The following PDE4D variants were observed in gnomAD, a reference collection of about 807,000 sequenced individuals.
PDE4D encodes the protein phosphodiesterase 4D.
In PDE4D, 24 loss-of-function variants were observed where a neutral mutation model predicts 87.4. The ratio of observed to expected loss-of-function variants is 0.27; its 90% CI spans 0.20 to 0.39. The LOEUF (loss-of-function observed/expected upper bound fraction) is 0.39, where lower values mean the gene tolerates loss of function less well. PDE4D is among the 10% of genes least tolerant of loss of function. The probability of loss-of-function intolerance (pLI) is 1.00; values close to 1 mark genes in which losing one functional copy is unlikely to be tolerated. For synonymous variants in PDE4D, 384 were observed against 383.2 expected (o/e 1.00, Z -0.02); for missense variants, 714 against 1,041.0 (o/e 0.69, Z 4.32).
chr5:59,258,921 A>T (rs1761476458), intron 1 of PDE4D, among the ~76,000 whole-genome samples: 1 of 151,582 alleles, frequency 6.6e-6, no homozygotes, highest in Admixed American at 6.6e-5. Context: ...TTTAGATTAA[A>T]TCTAATTCAT....
At chr5:59,390,939 C>T (rs2153607998) in intron 1 of PDE4D, among the ~76,000 whole-genome samples, 1 of 152,138 alleles carries the variant, frequency 6.6e-6, no homozygotes, top group Non-Finnish European at 1.5e-5. Flanking sequence ...TGATCTTTCC[C>T]CACCCTTGAA....
intron 5 of PDE4D, among the ~76,000 whole-genome samples, chr5:59,112,071 C>G (rs988971626): frequency 6.6e-6 from 1 of 152,100 alleles, no homozygotes; most frequent in East Asian, 1.9e-4. Context: ...TATTAATGTG[C>G]GATGCATTTA....
chr5:59,263,554 A>C (rs913400603), intron 1 of PDE4D, among the ~76,000 whole-genome samples: 1 of 152,020 alleles, frequency 6.6e-6, no homozygotes, highest in African/African-American at 2.4e-5. Flanking sequence ...CATATATACC[A>C]AATTATTATT....
chr5:59,694,678 T>C (rs1428075329), intron 1 of PDE4D, among the ~76,000 whole-genome samples: 1 of 152,134 alleles, frequency 6.6e-6, no homozygotes. Flanking sequence ...GAGTCCCGCA[T>C]AGAGATTTCT....
chr5:59,616,008 G>A (rs1829618809), intron 1 of PDE4D, among the ~76,000 whole-genome samples: 1 of 151,020 alleles, frequency 6.6e-6, no homozygotes, highest in Admixed American at 6.6e-5. Context: ...TAGGGTACAT[G>A]TGCACAATGT....
chr5:59,815,425 G>C (rs965720858), intron 1 of PDE4D, among the ~76,000 whole-genome samples: 16 of 152,306 alleles, frequency 1.1e-4, no homozygotes, highest in Admixed American at 7.8e-4. Context: ...TAGGTGGGTA[G>C]GCTCCAGAGC....
At chr5:59,129,886 G>A (rs1348632468) in intron 5 of PDE4D, among the ~76,000 whole-genome samples, 1 of 152,100 alleles carries the variant, frequency 6.6e-6, no homozygotes, top group African/African-American at 2.4e-5. Context: ...CTACCTTGCA[G>A]GGTTATTGAA....
chr5:59,782,662 T>C (rs964010425), intron 1 of PDE4D, among the ~76,000 whole-genome samples: 35 of 152,352 alleles, frequency 2.3e-4, no homozygotes, highest in African/African-American at 7.7e-4. Flanking sequence ...AAAGTCCTAA[T>C]GGTCCTGTCC....
chr5:59,396,968 G>C (rs1484674821), intron 1 of PDE4D, among the ~76,000 whole-genome samples: 1 of 118,640 alleles, frequency 8.4e-6, no homozygotes, highest in Non-Finnish European at 1.8e-5. Flanking sequence ...AACCAACAAA[G>C]ATCAAAAGAG....
intron 5 of PDE4D, among the ~76,000 whole-genome samples, chr5:59,079,670 T>TAATAATAATAATAAC (rs1766330525): frequency 2.0e-5 from 3 of 149,130 alleles, no homozygotes; most frequent in Non-Finnish European, 4.5e-5. Flanking sequence ...ACAAAATTAA[T>TAATAATAATAATAAC]AATAATAATA....
At chr5:59,821,094 G>A (rs567189421) in intron 1 of PDE4D, among the ~76,000 whole-genome samples, 98 of 152,194 alleles carry the variant, frequency 6.4e-4, no homozygotes, top group Admixed American at 1.6e-3. Context: ...CTAGCTGGGA[G>A]TGGTGGCGGG....
intron 1 of PDE4D, among the ~76,000 whole-genome samples, chr5:59,629,111 G>A (rs774032911): frequency 3.9e-5 from 6 of 152,216 alleles, no homozygotes; most frequent in East Asian, 1.9e-4. Context: ...CCCACTACAC[G>A]TGCGGATTAT....
At chr5:59,498,622 G>A (rs1031114770) in intron 1 of PDE4D, among the ~76,000 whole-genome samples, 2 of 151,644 alleles carry the variant, frequency 1.3e-5, no homozygotes, top group Middle Eastern at 6.8e-3. Context: ...AAAGAACAAG[G>A]ATCACTATTC....
chr5:59,641,854 C>T (rs1008458085), intron 1 of PDE4D, among the ~76,000 whole-genome samples: 2 of 152,068 alleles, frequency 1.3e-5, no homozygotes, highest in Non-Finnish European at 2.9e-5. Context: ...GAAAAAAGTA[C>T]AGATTTCCTT....
chr5:60,281,102 T>C (rs1475260260), intron 1 of PDE4D, among the ~76,000 whole-genome samples: 1 of 152,158 alleles, frequency 6.6e-6, no homozygotes, highest in Non-Finnish European at 1.5e-5. Flanking sequence ...CAGGGGGAGC[T>C]AAGTCTACCC....
intron 1 of PDE4D, among the ~76,000 whole-genome samples, chr5:60,328,062 T>C (rs1756961988): frequency 6.6e-6 from 1 of 152,168 alleles, no homozygotes; most frequent in Non-Finnish European, 1.5e-5. Context: ...CCAGCCTATT[T>C]TCACAAAAGT....
chr5:59,592,384 A>T lies in PDE4D; in HGVS notation c.455+300784T>A, dbSNP rs1040181742. On this transcript the variant is annotated intron_variant, in intron 1 of 14. Coordinates refer to ENST00000340635, the MANE Select transcript of PDE4D (RefSeq NM_001104631.2). The stretch of plus-strand genomic sequence containing the variant: ...TCAGGGAAATGCATCATGTTTCAGC[A>T]AGTTGCTAGTAGCTACTACATTCAA... 1.9e-4 allele frequency among the ~76,000 whole-genome samples: 29 copies of T among 152,216 alleles called. 1 individual carries two copies. Among genetic ancestry groups the T allele is most frequent in the Non-Finnish European group, 7.3e-5 (5 of 68,044 alleles).
At chr5:59,810,451 CGATATTTTAA>C (rs1016371493) in intron 1 of PDE4D, among the ~76,000 whole-genome samples, 2 of 152,042 alleles carry the variant, frequency 1.3e-5, no homozygotes, top group African/African-American at 4.8e-5. Context: ...AGTGCTGCAC[CGATATTTTAA>C]ATGATGACTC....
chr5:59,381,816 C>G (rs1159071707), intron 1 of PDE4D, among the ~76,000 whole-genome samples: 1 of 151,882 alleles, frequency 6.6e-6, no homozygotes, highest in Non-Finnish European at 1.5e-5. Flanking sequence ...TTATTGCTTT[C>G]TAACTTAACA....
Sources: allele counts gnomAD v4.1 joint callset (sites outside exome capture counted in the v4.1 genomes callset), GRCh38; gene constraint gnomAD v4.1.1; transcripts MANE v1.5; gene names NCBI Gene and HGNC (gene_info 2026-07-23, HGNC 2026-07-21).